The following USP6NL variants were observed in gnomAD, a reference collection of about 807,000 sequenced individuals.
USP6NL encodes the protein USP6 N-terminal-like protein.
Under a neutral mutation model 61.9 loss-of-function variants are expected in USP6NL, and 26 were observed. That is an observed-to-expected ratio of 0.42 (90% CI 0.31 to 0.58). USP6NL has a LOEUF of 0.58. Among genes scored for constraint, USP6NL ranks in the 20% least tolerant of loss-of-function variants. The pLI, the probability that USP6NL is intolerant of heterozygous loss-of-function variation, is 0.16. For missense variants in USP6NL, 1,114 were observed against 1,034.3 expected (o/e 1.08, Z -1.06); for synonymous variants, 432 against 390.1 (o/e 1.11, Z -1.27).
At chr10:11,543,750 C>T (rs1415049522) in intron 2 of USP6NL, among the ~76,000 whole-genome samples, 1 of 148,890 alleles carries the variant, frequency 6.7e-6, no homozygotes, top group African/African-American at 2.5e-5. Context: ...AAAGGGGCTA[C>T]TGCTACTAGG....
At chr10:11,494,717 G>A (rs1833843242) in intron 7 of USP6NL, among the ~76,000 whole-genome samples, 1 of 151,236 alleles carries the variant, frequency 6.6e-6, no homozygotes, top group Non-Finnish European at 1.5e-5. Context: ...TTCCTGCCTG[G>A]CAGCTGAGGC....
chr10:11,508,074 G>A (rs184049415), intron 6 of USP6NL, among the ~76,000 whole-genome samples: 30 of 152,332 alleles, frequency 2.0e-4, no homozygotes, highest in South Asian at 8.3e-4. Flanking sequence ...AAAGGGAAAA[G>A]AAAGGATTAT....
Position 11,489,370 on chromosome 10 carries a change from A to G in USP6NL, c.544-148T>C. ...TAGAGACAAATACTATACTCTTTAC[A>G]GTATTATGCCACATAAGAGAATAAA... On this transcript the variant is annotated intron_variant, in intron 9 of 14. Coordinates refer to ENST00000609104, the MANE Select transcript of USP6NL (RefSeq NM_014688.5). This position sits in a 1 kb window ranked among gnomAD's most constrained non-coding sequence, Gnocchi z 5.7. 3.0e-6 allele frequency: 3 copies of G among 1,005,766 alleles called. No homozygotes were observed. Among genetic ancestry groups the G allele is most frequent in the Non-Finnish European group, 4.1e-6 (3 of 732,532 alleles). The allele number at this position is 1,005,766 out of a possible 1,614,324, so 62.3% of individuals were successfully genotyped here.
At chr10:11,609,087 CAG>C (rs958186216) in intron 1 of USP6NL, among the ~76,000 whole-genome samples, 12 of 152,012 alleles carry the variant, frequency 7.9e-5, no homozygotes, top group African/African-American at 2.9e-4. Flanking sequence ...TTATTTGAGA[CAG>C]AGTCTCACTC....
In USP6NL at chr10:11,470,159, C is replaced by T. The variant is rs1388829633; in HGVS notation, c.1079-6310G>A. The stretch of plus-strand genomic sequence containing the variant: ...GAGGTGAGGAAGAAGGAAGACGTGG[C>T]GGGGAGGTCACGGAAGGCAAGTAAT... On this transcript the variant is annotated intron_variant, in intron 14 of 14. Transcript: ENST00000609104. The surrounding 1 kb of genome is among the most constrained non-coding windows in gnomAD (Gnocchi z 5.4). 2.0e-5 allele frequency among the ~76,000 whole-genome samples: 3 copies of T among 151,990 alleles called. No homozygotes were observed. The highest frequency in any genetic ancestry group is 2.9e-5 in the Non-Finnish European group (2 of 68,000).
intron 2 of USP6NL, among the ~76,000 whole-genome samples, chr10:11,590,726 C>T (rs976362585): frequency 2.0e-5 from 3 of 151,802 alleles, no homozygotes; most frequent in African/African-American, 4.8e-5. Context: ...GATAACAAGA[C>T]GAATATTTAA....
Position 11,593,258 on chromosome 10 carries a change from G to GT in USP6NL, c.4+4372dup, listed in dbSNP as rs1838214691. The stretch of plus-strand genomic sequence containing the variant: ...CAAATAAGCTAGTAAGTGTTTTTTT[G>GT]TTTTTTAGTTTTTGTTTTTACTTAA... On this transcript the variant is annotated intron_variant, in intron 2 of 14. Coordinates refer to ENST00000609104, the MANE Select transcript of USP6NL (RefSeq NM_014688.5). 2.0e-5 allele frequency among the ~76,000 whole-genome samples: 3 copies of GT among 152,146 alleles called. No homozygotes were observed. The South Asian group carries it at 6.2e-4, about 32-fold the overall frequency.
intron 2 of USP6NL, among the ~76,000 whole-genome samples, chr10:11,551,755 G>A (rs1414123548): frequency 1.3e-5 from 2 of 152,102 alleles, no homozygotes; most frequent in Non-Finnish European, 2.9e-5. Context: ...TACAACTTCA[G>A]TTTATTCACC....
intron 10 of USP6NL, among the ~76,000 whole-genome samples, chr10:11,488,129 A>C (rs948152461): frequency 1.3e-5 from 2 of 152,162 alleles, no homozygotes; most frequent in African/African-American, 2.4e-5. Context: ...TTGTGATCTA[A>C]GGGCGGGGGC....
At chr10:11,519,947 G>T (rs577142217) in intron 4 of USP6NL, among the ~76,000 whole-genome samples, 1 of 152,108 alleles carries the variant, frequency 6.6e-6, no homozygotes, top group Non-Finnish European at 1.5e-5. Context: ...ATGATAGAGC[G>T]GTATTCACCA....
Position 11,499,183 on chromosome 10 carries a change from G to A in USP6NL, c.384+1918C>T, listed in dbSNP as rs988698567. ...TTCGTGGAGGATGTGTGGAGAGAGA[G>A]AGAAAGAGTGGATGAGAAAGGAAAA... On this transcript the variant is annotated intron_variant, in intron 7 of 14. Coordinates refer to ENST00000609104, the MANE Select transcript of USP6NL (RefSeq NM_014688.5). The surrounding 1 kb of genome is among the most constrained non-coding windows in gnomAD (Gnocchi z 4.5). Among the ~76,000 whole-genome samples, 3 of 152,176 alleles carry A rather than the reference G, an allele frequency of 2.0e-5. No individual in the cohort carries two copies. Among genetic ancestry groups the A allele is most frequent in the Non-Finnish European group, 4.4e-5 (3 of 68,030 alleles).
At chr10:11,607,349 A>T (rs1335719419) in intron 1 of USP6NL, among the ~76,000 whole-genome samples, 1 of 152,200 alleles carries the variant, frequency 6.6e-6, no homozygotes, top group Non-Finnish European at 1.5e-5. Flanking sequence ...AAGAACAAAA[A>T]ACCTAGAGCC....
chr10:11,560,704 T>A (rs1836895494), intron 2 of USP6NL, among the ~76,000 whole-genome samples: 1 of 115,930 alleles, frequency 8.6e-6, no homozygotes, highest in African/African-American at 2.9e-5. Flanking sequence ...CAGTAAAAAA[T>A]ATATATATAT....
chr10:11,463,713 G>A lies in USP6NL; in HGVS notation c.1215C>T (p.Ser405=), dbSNP rs766300101. ...GCTCGTGCCTCCTGTGGGGCGCCCC[G>A]CTCTCCCTCCTGCCGCTGGCCAGCG... is the stretch of plus-strand genomic sequence containing the variant. ...PSPLASGRRE[S]GAPHRRHEHS... The change falls in exon 15 of 15, where the codon AGC becomes AGT. Residue 405 remains serine (S), a synonymous_variant. Coordinates refer to ENST00000609104, the MANE Select transcript of USP6NL (RefSeq NM_014688.5). This position sits in a 1 kb window ranked among gnomAD's most constrained non-coding sequence, Gnocchi z 6.3. 38 of 1,610,510 alleles carry A rather than the reference G, an allele frequency of 2.4e-5. No individual in the cohort carries two copies. Among genetic ancestry groups the A allele is most frequent in the South Asian group, 3.3e-5 (3 of 90,830 alleles).
At chr10:11,533,194 T>A (rs1375578718) in intron 2 of USP6NL, among the ~76,000 whole-genome samples, 1 of 152,170 alleles carries the variant, frequency 6.6e-6, no homozygotes, top group Non-Finnish European at 1.5e-5. Context: ...TACCAAGGAA[T>A]AAGAATTAGA....
intron 2 of USP6NL, among the ~76,000 whole-genome samples, chr10:11,555,562 A>G (rs1470792350): frequency 2.0e-4 from 30 of 151,064 alleles, no homozygotes. Context: ...GAAATGGTCT[A>G]ATGTACATGC....
intron 2 of USP6NL, among the ~76,000 whole-genome samples, chr10:11,534,355 T>A (rs1312615349): frequency 1.3e-5 from 2 of 152,222 alleles, no homozygotes; most frequent in Non-Finnish European, 2.9e-5. Flanking sequence ...AGGGTCAGAA[T>A]AATTCTTTTA....
At chr10:11,530,961 G>A (rs557463446) in intron 2 of USP6NL, among the ~76,000 whole-genome samples, 3 of 152,300 alleles carry the variant, frequency 2.0e-5, no homozygotes, top group African/African-American at 7.2e-5. Flanking sequence ...CCAAAACAGT[G>A]ACTGCAAACG....
rs11257124 is a variant in USP6NL at position 11,487,690 on chromosome 10, G to C, written c.664+1412C>G. 0.23 allele frequency among the ~76,000 whole-genome samples: 34,208 copies of C among 151,990 alleles called. 4,434 individuals carry two copies. Among genetic ancestry groups the C allele is most frequent in the East Asian group, 0.59 (3,046 of 5,178 alleles). ...AATATAATAACATGTCTTACTTTTA[G>C]AGCCTATTTACTAGATGCAAAGCGC... is the stretch of plus-strand genomic sequence containing the variant. On this transcript the variant is annotated intron_variant, in intron 10 of 14. Transcript: ENST00000609104. This position sits in a 1 kb window ranked among gnomAD's most constrained non-coding sequence, Gnocchi z 4.2.
Sources: allele counts gnomAD v4.1 joint callset (sites outside exome capture counted in the v4.1 genomes callset), GRCh38; gene constraint gnomAD v4.1.1; non-coding constraint Gnocchi (gnomAD v3.1); transcripts MANE v1.5; gene names NCBI Gene and HGNC (gene_info 2026-07-23, HGNC 2026-07-21).